The following AOX1 variants were observed in gnomAD, a reference collection of about 807,000 sequenced individuals.
AOX1 encodes aldehyde oxidase.
Under a neutral mutation model 169.5 loss-of-function variants are expected in AOX1, and 153 were observed. The observed-to-expected ratio is 0.90, with a 90% CI of 0.79 to 1.03. The LOEUF is 1.03. Among genes scored for constraint, AOX1 ranks in the 50% least tolerant of loss-of-function variants. The pLI is 0.00. For missense variants in AOX1, 1,656 were observed against 1,663.9 expected, an observed-to-expected ratio of 1.00 and a Z score of 0.08; for synonymous variants, 562 against 581.9, an observed-to-expected ratio of 0.97 and a Z score of 0.49.
chr2:200,669,942 GC>G (rs915169426), intron 34 of AOX1, among the ~76,000 whole-genome samples, 200 bp downstream of exon 34: 22 of 152,056 alleles, frequency 1.4e-4, no homozygotes, highest in African/African-American at 5.3e-4. Flanking sequence ...TCATCAGCCT[GC>G]CCCTGCTTGG....
intron 5 of AOX1, among the ~76,000 whole-genome samples, chr2:200,600,877 G>A (rs1033546951): frequency 9.9e-5 from 15 of 152,112 alleles, no homozygotes. Flanking sequence ...TAGAGAGTTT[G>A]ACTCAGTAAT....
Position 200,621,209 on chromosome 2 carries a change from T to A in AOX1, c.1964T>A (p.Phe655Tyr), listed in dbSNP as rs1388117553. 1 of 1,613,918 alleles carries A rather than the reference T, an allele frequency of 6.2e-7. No individual in the cohort carries two copies. Among genetic ancestry groups the A allele is most frequent in the East Asian group, 2.2e-5 (1 of 44,896 alleles). ...CTTAGTGACGTCAACTCCTTCTGCT[T>A]TTTTACTGAAGCTGAGAAATTTCTG... ...EHLSDVNSFC[F>Y]FTEAEKFLAT... Residue 655 changes from phenylalanine (F) to tyrosine (Y), a missense_variant, in exon 18 of 35, where the codon TTT becomes TAT. Coordinates refer to ENST00000374700, the MANE Select transcript of AOX1 (RefSeq NM_001159.4).
At chr2:200,593,974 G>A (rs1325182669) in intron 2 of AOX1, among the ~76,000 whole-genome samples, 1 of 152,158 alleles carries the variant, frequency 6.6e-6, no homozygotes, top group African/African-American at 2.4e-5. Context: ...CCACCTCATG[G>A]TAAACAAGAT....
In AOX1 at chr2:200,612,506, C is replaced by T. The variant is rs930299717; in HGVS notation, c.1264-103C>T. ...TGGTGTGTAGGTGACACTCAACACA[C>T]ACAGACTGCCCGGTGTGTAGGTGAT... On this transcript the variant is annotated intron_variant, in intron 13 of 34. Coordinates refer to ENST00000374700, the MANE Select transcript of AOX1 (RefSeq NM_001159.4). The T allele has an allele frequency of 1.2e-5, 14 of 1,201,808 alleles. No homozygotes were observed. In the African/African-American group the frequency reaches 2.0e-4, roughly 17 times the overall value. The allele number at this position is 1,201,808 out of a possible 1,614,324, so 74.4% of individuals were successfully genotyped here.
Position 200,668,729 on chromosome 2 carries a change from T to C in AOX1, c.3724T>C (p.Cys1242Arg). Reference sequence around the variant, plus strand: ...AGACCAATATAAAATCCCTGCCATCTGTGACATGCCCACGGAGTTGCACAT... The same window carrying C: ...AGACCAATATAAAATCCCTGCCATCCGTGACATGCCCACGGAGTTGCACAT... ...GPDQYKIPAICDMPTELHIAL... is the reference protein window; with the variant it reads ...GPDQYKIPAIRDMPTELHIAL... Residue 1242 changes from cysteine (C) to arginine (R), a missense_variant, in exon 33 of 35, where the codon TGT becomes CGT. Cys to Arg is a radical substitution (Grantham distance 180, BLOSUM62 -3). Transcript: ENST00000374700. 6.2e-7 allele frequency: 1 copy of C among 1,614,230 alleles called. No individual in the cohort carries two copies. Among genetic ancestry groups the C allele is most frequent in the Non-Finnish European group, 8.5e-7 (1 of 1,180,036 alleles).
At chr2:200,627,252 G>A in intron 19 of AOX1, 101 bp from the exon 20 acceptor site, 1 of 760,450 alleles carries the variant, frequency 1.3e-6, no homozygotes, top group Non-Finnish European at 2.2e-6. Flanking sequence ...AAGGTGAAGG[G>A]AGAAACAACC....
At chr2:200,657,190 A>ATATATTTTTTTTTTTTTTTT in intron 27 of AOX1, among the ~76,000 whole-genome samples, 1 of 62,916 alleles carries the variant, frequency 1.6e-5, no homozygotes, top group African/African-American at 7.9e-5. Context: ...ATATATATAT[A>ATATATTTTTTTTTTTTTTTT]TTTTTTTTTT....
rs747856851 is a variant in AOX1, at chr2:200,656,842, G to A, written c.3076G>A (p.Ala1026Thr). The change falls in exon 27 of 35, where the codon GCT (alanine) becomes ACT (threonine). Residue 1026 changes from alanine to threonine, a missense_variant and splice_region_variant. By Grantham distance (58) the Ala-to-Thr change is moderately conservative (BLOSUM62 0). Coordinates refer to ENST00000374700, the MANE Select transcript of AOX1 (RefSeq NM_001159.4). Reference protein sequence around the residue: ...VGLGSRAAGQAAALVHIYLDG... With the variant: ...VGLGSRAAGQTAALVHIYLDG... ...AACAGTTTTCGTCTTTTCTGCTCAG[G>A]CTGCTGCCTTGGTTCACATTTATCT... is the stretch of plus-strand genomic sequence containing the variant. The A allele has an allele frequency of 1.8e-5, 28 of 1,557,966 alleles. No homozygotes were observed. Among genetic ancestry groups the A allele is most frequent in the East Asian group, 2.4e-5 (1 of 41,936 alleles).
At chr2:200,620,964 GGATT>G in intron 17 of AOX1, 145 bp downstream of exon 17, 2 of 1,306,924 alleles carry the variant, frequency 1.5e-6, no homozygotes, top group Non-Finnish European at 2.1e-6. Context: ...TCGAAATGTA[GGATT>G]TACTACAACT....
At chr2:200,620,083 G>A (rs2034849477) in intron 16 of AOX1, among the ~76,000 whole-genome samples, 1 of 151,990 alleles carries the variant, frequency 6.6e-6, no homozygotes, top group African/African-American at 2.4e-5. Flanking sequence ...CATTTGAGAT[G>A]TTTGGGGTCT....
At position 200,642,675 on chromosome 2, in the gene AOX1, T is replaced by G. The variant is rs539234134; in HGVS notation, c.2721T>G (p.Gly907=). The change falls in exon 25 of 35, where the codon GGT becomes GGG. Residue 907 remains glycine (G), a synonymous_variant. Coordinates refer to ENST00000374700, the MANE Select transcript of AOX1 (RefSeq NM_001159.4). ...AYKFPNLRCR[G]WACRTNLPSN... ...AGTTTCCCAATCTCCGCTGCCGGGGTTGGGCATGCAGAACCAACCTTCCAT... is the reference window on the plus strand; with the variant it reads ...AGTTTCCCAATCTCCGCTGCCGGGGGTGGGCATGCAGAACCAACCTTCCAT... 5.1e-5 allele frequency: 83 copies of G among 1,614,038 alleles called. 1 individual carries two copies. The South Asian group carries it at 8.5e-4, about 16-fold the overall frequency.
chr2:200,599,468 G>A (rs2106369699), intron 4 of AOX1, 152 bp from the exon 5 acceptor site: 1 of 561,866 alleles, frequency 1.8e-6, no homozygotes, highest in African/African-American at 1.9e-5. Context: ...GGGGAGGGAG[G>A]TGCCTGGGAT....
In AOX1 at chr2:200,642,659, A is replaced by G. The variant is rs747923718; in HGVS notation, c.2705A>G (p.Asn902Ser). Residue 902 changes from asparagine (N) to serine (S), a missense_variant, in exon 25 of 35, where the codon AAT becomes AGT. Asn to Ser is a conservative substitution (Grantham distance 46). Transcript: ENST00000374700. ...ATGGACAATGCTTACAAGTTTCCCA[A>G]TCTCCGCTGCCGGGGTTGGGCATGC... ...LKMDNAYKFPNLRCRGWACRT... is the reference protein window; with the variant it reads ...LKMDNAYKFPSLRCRGWACRT... 7.4e-6 allele frequency: 12 copies of G among 1,613,998 alleles called. No individual in the cohort carries two copies. Among genetic ancestry groups the G allele is most frequent in the East Asian group, 4.5e-5 (2 of 44,870 alleles).
chr2:200,649,283 G>C (rs2035531637), intron 25 of AOX1, among the ~76,000 whole-genome samples: 1 of 150,856 alleles, frequency 6.6e-6, no homozygotes, highest in African/African-American at 2.4e-5. Context: ...GGGCCTTTCT[G>C]CTGCTTCCTC....
chr2:200,604,909 GCT>G, intron 9 of AOX1, 69 bp downstream of exon 9: 6 of 1,267,992 alleles, frequency 4.7e-6, no homozygotes, highest in East Asian at 2.6e-5. Flanking sequence ...GCCGGGGTGG[GCT>G]GGGGAAACTT....
chr2:200,608,012 ATGCAT>A (rs2034550965), intron 10 of AOX1, among the ~76,000 whole-genome samples: 5 of 152,304 alleles, frequency 3.3e-5, no homozygotes, highest in African/African-American at 1.2e-4. Flanking sequence ...CAAATACCTA[ATGCAT>A]GCAAGGCTTA....
rs2035007345 is a variant in AOX1, at chr2:200,626,402, C to T, written c.2125-951C>T. On this transcript the variant is annotated intron_variant, in intron 19 of 34. Coordinates refer to ENST00000374700, the MANE Select transcript of AOX1 (RefSeq NM_001159.4). The stretch of plus-strand genomic sequence containing the variant: ...AGATAAGAGAATCCCCAACTACCAA[C>T]AGAATGGAATTTCATGGATGGACAA... 2.0e-5 allele frequency among the ~76,000 whole-genome samples: 3 copies of T among 152,352 alleles called. No homozygotes were observed. The South Asian group carries it at 6.2e-4, about 32-fold the overall frequency.
At chr2:200,593,380 G>A (rs780173304) in intron 2 of AOX1, among the ~76,000 whole-genome samples, 177 bp downstream of exon 2, 6 of 152,146 alleles carry the variant, frequency 3.9e-5, no homozygotes, top group Non-Finnish European at 8.8e-5. Context: ...CACAAATGTG[G>A]CCGTCAGAAG....
Position 200,595,327 on chromosome 2 carries a change from A to C in AOX1, c.159A>C (p.Thr53=), listed in dbSNP as rs1006828342. The change falls in exon 3 of 35, where the codon ACA becomes ACC. Residue 53 remains threonine, a synonymous_variant. Coordinates refer to ENST00000374700, the MANE Select transcript of AOX1 (RefSeq NM_001159.4). ...GCGGGGCGAC[T]VMISRYNPIT... ...GAGGAGGAGGCTGTGGTGCTTGTAC[A>C]GTGATGATATCACGATACAACCCCA... 9 of 1,613,156 alleles carry C rather than the reference A, an allele frequency of 5.6e-6. No individual in the cohort carries two copies. The highest frequency in any genetic ancestry group is 6.8e-6 in the Non-Finnish European group (8 of 1,179,388).
Sources: gnomAD v4.1 joint callset for allele counts (sites outside exome capture counted in the v4.1 genomes callset) on GRCh38, gnomAD v4.1.1 for gene constraint, MANE v1.5 for transcripts, NCBI Gene and HGNC (gene_info 2026-07-23, HGNC 2026-07-21) for gene names.